Variants in DDHD1 observed in about 807,000 individuals in gnomAD.
DDHD1 encodes the protein DDHD domain containing 1.
A neutral mutation model predicts 96.4 loss-of-function variants in DDHD1; 49 were observed. The ratio of observed to expected loss-of-function variants is 0.51; its 90% confidence interval spans 0.40 to 0.64. The LOEUF is 0.64. Ranked by LOEUF, DDHD1 falls within the 30% of genes least tolerant of loss-of-function variation. The pLI is 0.00. For synonymous variants in DDHD1, 442 were observed against 446.5 expected (o/e 0.99, Z 0.13); for missense variants, 1,106 against 1,161.2 (o/e 0.95, Z 0.69).
intron 6 of DDHD1, among the ~76,000 whole-genome samples, chr14:53,063,605 T>C (rs1265090169): frequency 6.6e-6 from 1 of 152,146 alleles, no homozygotes; most frequent in African/African-American, 2.4e-5. Flanking sequence ...TTGTAGTTTT[T>C]AGTCAGTAAG....
chr14:53,087,813 G>C (rs1019531790), intron 4 of DDHD1, among the ~76,000 whole-genome samples: 7 of 152,104 alleles, frequency 4.6e-5, no homozygotes, highest in African/African-American at 1.7e-4. Context: ...ACTAAGATCA[G>C]AGCAGAACTG....
chr14:53,108,207 C>A (rs1887842126), intron 1 of DDHD1, among the ~76,000 whole-genome samples: 1 of 152,192 alleles, frequency 6.6e-6, no homozygotes, highest in Admixed American at 6.5e-5. Context: ...CTGCTGTGCT[C>A]CTGATCCAGC....
rs547251070 is a variant in DDHD1 at position 53,105,030 on chromosome 14, A to G, written c.839-1174T>C. ...TGAAACTGTAGGTTAAGATGAATGT[A>G]TTAATTTTATTAATATCATTAGGAA... On this transcript the variant is annotated intron_variant, in intron 1 of 12. Transcript: ENST00000673822. 8.1e-4 allele frequency among the ~76,000 whole-genome samples: 124 copies of G among 152,210 alleles called. 1 individual carries two copies. The highest frequency in any genetic ancestry group is 2.8e-3 in the African/African-American group (117 of 41,592).
intron 1 of DDHD1, among the ~76,000 whole-genome samples, chr14:53,127,746 G>C (rs1374409566): frequency 6.6e-6 from 1 of 152,180 alleles, no homozygotes; most frequent in East Asian, 1.9e-4. Flanking sequence ...ACAATGACTG[G>C]CAAGCTAACT....
intron 1 of DDHD1, among the ~76,000 whole-genome samples, chr14:53,120,327 T>C (rs1888888967): frequency 6.6e-6 from 1 of 152,238 alleles, no homozygotes; most frequent in African/African-American, 2.4e-5. Context: ...AAAAATTCTA[T>C]GCTCATGGTT....
rs1361828244 is a variant in DDHD1, at chr14:53,093,389, T to C, written c.1068A>G (p.Glu356=). The C allele has an allele frequency of 6.2e-7, 1 of 1,613,034 alleles. No homozygotes were observed. The highest frequency in any genetic ancestry group is 8.5e-7 in the Non-Finnish European group (1 of 1,179,684). The change falls in exon 3 of 13, where the codon GAA becomes GAG. Residue 356 remains glutamate (E), a synonymous_variant. Transcript: ENST00000673822. ...TTGTTGCATCACTATAAAGATATAC[T>C]TCATCCACACTGTGCCAGTCCACAT... is the stretch of plus-strand genomic sequence containing the variant. The part of the protein sequence containing the change: ...RNHVDWHSVD[E]VYLYSDATTS...
At chr14:53,096,179 A>G (rs551853668) in intron 2 of DDHD1, 3 of 985,276 alleles carry the variant, frequency 3.0e-6, no homozygotes, top group South Asian at 4.7e-5. Flanking sequence ...TCTCCATTTG[A>G]ACAGAGAAGG....
Position 53,102,359 on chromosome 14 carries a change from C to T in DDHD1, c.1012+1324G>A, listed in dbSNP as rs545295132. 1.2e-4 allele frequency among the ~76,000 whole-genome samples: 19 copies of T among 152,108 alleles called. No individual in the cohort carries two copies. In the South Asian group the frequency reaches 3.9e-3, roughly 32 times the overall value. ...TACCTAGAGCTCTTACACTGGGCTG[C>T]TCCTTATTTATTGATATGTAAGAAC... On this transcript the variant is annotated intron_variant, in intron 2 of 12. Coordinates refer to ENST00000673822, the MANE Select transcript of DDHD1 (RefSeq NM_001160148.2).
chr14:53,079,197 C>T (rs547081657), intron 4 of DDHD1, among the ~76,000 whole-genome samples: 6 of 152,156 alleles, frequency 3.9e-5, no homozygotes, highest in Non-Finnish European at 7.4e-5. Context: ...TTTTTGGTAT[C>T]GGGGTAATAC....
chr14:53,137,950 C>T (rs1595254015), intron 1 of DDHD1, among the ~76,000 whole-genome samples: 2 of 152,112 alleles, frequency 1.3e-5, no homozygotes, highest in South Asian at 2.1e-4. Context: ...AAGATAAAAA[C>T]GATAGCAAAC....
chr14:53,136,895 C>T (rs1316275492), intron 1 of DDHD1, among the ~76,000 whole-genome samples: 3 of 152,160 alleles, frequency 2.0e-5, no homozygotes, highest in African/African-American at 7.2e-5. Flanking sequence ...AAAGCATATG[C>T]CTAACAGGTA....
chr14:53,122,563 C>T (rs1467114538), intron 1 of DDHD1, among the ~76,000 whole-genome samples: 22 of 148,126 alleles, frequency 1.5e-4, no homozygotes, highest in Non-Finnish European at 3.0e-5. Context: ...TGCTCTGTTA[C>T]TTTGTTCCTC....
chr14:53,119,210 T>G (rs148595049), intron 1 of DDHD1, among the ~76,000 whole-genome samples: 1 of 152,096 alleles, frequency 6.6e-6, no homozygotes, highest in African/African-American at 2.4e-5. Flanking sequence ...TGCAAAAACA[T>G]GACAAATGGT....
intron 1 of DDHD1, among the ~76,000 whole-genome samples, chr14:53,116,053 G>GA (rs1409744120): frequency 1.3e-5 from 2 of 151,394 alleles, no homozygotes; most frequent in Admixed American, 6.6e-5. Context: ...AATGCAATGG[G>GA]AAAAAAAAGC....
intron 3 of DDHD1, 115 bp from the exon 4 acceptor site, chr14:53,092,047 TG>T (rs1800959688): frequency 1.0e-6 from 1 of 988,160 alleles, no homozygotes; most frequent in East Asian, 2.6e-5. Context: ...TTTCACTGGC[TG>T]TGGGGGAGGA....
intron 4 of DDHD1, among the ~76,000 whole-genome samples, chr14:53,084,006 T>A (rs1885717967): frequency 6.6e-6 from 1 of 152,186 alleles, no homozygotes. Flanking sequence ...ATAGTTAAGA[T>A]GAAGTCAACT....
chr14:53,091,350 G>A (rs1232079348), intron 4 of DDHD1, among the ~76,000 whole-genome samples: 2 of 152,186 alleles, frequency 1.3e-5, no homozygotes, highest in Admixed American at 1.3e-4. Context: ...AAAATTCAGA[G>A]TTCAGTTTCC....
chr14:53,146,530 A>C (rs1359910475), intron 1 of DDHD1, among the ~76,000 whole-genome samples: 3 of 152,098 alleles, frequency 2.0e-5, no homozygotes, highest in African/African-American at 2.4e-5. Context: ...TGTATAATTC[A>C]ATCTTGTTCA....
intron 4 of DDHD1, among the ~76,000 whole-genome samples, chr14:53,076,637 T>C (rs1417094789): frequency 1.3e-5 from 2 of 152,192 alleles, no homozygotes; most frequent in African/African-American, 4.8e-5. Context: ...CTGCATTGCA[T>C]GTTACAGAGA....
Sources: gnomAD v4.1 joint callset for allele counts (sites outside exome capture counted in the v4.1 genomes callset) on GRCh38, gnomAD v4.1.1 for gene constraint, MANE v1.5 for transcripts, NCBI Gene and HGNC (gene_info 2026-07-23, HGNC 2026-07-21) for gene names.